The following NTNG1 variants were observed in gnomAD, a reference collection of about 807,000 sequenced individuals.
NTNG1 encodes the protein netrin G1.
Under a neutral mutation model 54.0 loss-of-function variants are expected in NTNG1, and 16 were observed. That is an observed-to-expected ratio of 0.30 (90% CI 0.20 to 0.45). NTNG1 has a LOEUF of 0.45. Among genes scored for constraint, NTNG1 ranks in the 20% least tolerant of loss-of-function variants. NTNG1 has a pLI of 1.00. For missense variants in NTNG1, 530 were observed against 678.7 expected, an observed-to-expected ratio of 0.78 and a Z score of 2.43; for synonymous variants, 255 against 263.1, an observed-to-expected ratio of 0.97 and a Z score of 0.30.
chr1:107,285,318 A>G (rs920159391), intron 2 of NTNG1, among the ~76,000 whole-genome samples: 2 of 152,152 alleles, frequency 1.3e-5, no homozygotes, highest in Non-Finnish European at 2.9e-5. Flanking sequence ...GTTGGATTAC[A>G]TGGTTACTGA....
intron 2 of NTNG1, among the ~76,000 whole-genome samples, chr1:107,323,000 T>A (rs149891639): frequency 6.6e-6 from 1 of 151,746 alleles, no homozygotes; most frequent in Non-Finnish European, 1.5e-5. Flanking sequence ...TTATATTTCA[T>A]AGGAGTCAGC....
chr1:107,217,882 G>C (rs1188493118), intron 2 of NTNG1, among the ~76,000 whole-genome samples: 1 of 152,078 alleles, frequency 6.6e-6, no homozygotes, highest in Non-Finnish European at 1.5e-5. Context: ...GTCTATCTTG[G>C]ACAATGTTCC....
At chr1:107,382,843 A>G (rs2101039446) in intron 3 of NTNG1, among the ~76,000 whole-genome samples, 1 of 151,496 alleles carries the variant, frequency 6.6e-6, no homozygotes, top group Non-Finnish European at 1.5e-5. Context: ...CTTATTAACA[A>G]AAGTAGGCCA....
At chr1:107,370,349 A>T (rs1318707952) in intron 3 of NTNG1, among the ~76,000 whole-genome samples, 1 of 151,112 alleles carries the variant, frequency 6.6e-6, no homozygotes, top group African/African-American at 2.4e-5. Context: ...TTTTTTTGAA[A>T]ATTTTTTTCA....
chr1:107,206,928 G>C (rs1034495231), intron 2 of NTNG1, among the ~76,000 whole-genome samples: 1 of 152,124 alleles, frequency 6.6e-6, no homozygotes, highest in Non-Finnish European at 1.5e-5. Context: ...AGTTGGATGG[G>C]AAGAAGCTGA....
intron 3 of NTNG1, among the ~76,000 whole-genome samples, chr1:107,368,122 A>G (rs542190396): frequency 6.6e-6 from 1 of 152,126 alleles, no homozygotes; most frequent in South Asian, 2.1e-4. Flanking sequence ...CCTTTCTTCT[A>G]TCTTCATGTC....
At chr1:107,339,451 T>C (rs1455529178) in intron 3 of NTNG1, among the ~76,000 whole-genome samples, 2 of 152,018 alleles carry the variant, frequency 1.3e-5, no homozygotes, top group Non-Finnish European at 2.9e-5. Flanking sequence ...AAATGAAAAA[T>C]AGCCCAAAGA....
At chr1:107,343,144 C>A (rs1669002544) in intron 3 of NTNG1, among the ~76,000 whole-genome samples, 1 of 152,104 alleles carries the variant, frequency 6.6e-6, no homozygotes. Flanking sequence ...CTGCCAGACT[C>A]ACTGGTGACA....
chr1:107,268,620 T>A (rs1195179030), intron 2 of NTNG1, among the ~76,000 whole-genome samples: 1 of 152,160 alleles, frequency 6.6e-6, no homozygotes, highest in East Asian at 1.9e-4. Flanking sequence ...AACTATATGT[T>A]GATAAGCCCC....
intron 7 of NTNG1, among the ~76,000 whole-genome samples, chr1:107,438,368 G>C (rs1448896048): frequency 1.3e-5 from 2 of 152,162 alleles, no homozygotes; most frequent in Non-Finnish European, 2.9e-5. Context: ...TAAAGCCATG[G>C]TTTAAAAGTC....
intron 3 of NTNG1, among the ~76,000 whole-genome samples, chr1:107,341,562 G>C (rs1056949276): frequency 1.3e-5 from 2 of 152,074 alleles, no homozygotes; most frequent in Non-Finnish European, 2.9e-5. Flanking sequence ...CCTCACCGAT[G>C]ATGGATGGCC....
chr1:107,360,394 A>C (rs960678790), intron 3 of NTNG1, among the ~76,000 whole-genome samples: 2 of 152,130 alleles, frequency 1.3e-5, no homozygotes, highest in African/African-American at 4.8e-5. Context: ...ACATTCCAAA[A>C]AGAGAAACAG....
At chr1:107,479,414 G>GT in intron 7 of NTNG1, among the ~76,000 whole-genome samples, 1 of 152,338 alleles carries the variant, frequency 6.6e-6, no homozygotes, top group South Asian at 2.1e-4. Context: ...GTAATATTGG[G>GT]TATGTGTATA....
rs186616547 is a variant in NTNG1, at chr1:107,289,393, T to A, written c.247-34889T>A. 3.5e-4 allele frequency among the ~76,000 whole-genome samples: 53 copies of A among 152,282 alleles called. No individual in the cohort carries two copies. The East Asian group carries it at 9.6e-3, about 28-fold the overall frequency. On this transcript the variant is annotated intron_variant, in intron 2 of 7. Transcript: ENST00000370068. ...CTCACTTTACTACCTCTCTCCAGCT[T>A]CTTTTATAAAGAAATTGATGTTAAT...
intron 2 of NTNG1, among the ~76,000 whole-genome samples, chr1:107,301,663 A>G (rs1666325969): frequency 6.6e-6 from 1 of 152,210 alleles, no homozygotes; most frequent in Non-Finnish European, 1.5e-5. Context: ...CTCAACTCCC[A>G]TAATGGACTA....
chr1:107,316,731 G>A (rs890611515), intron 2 of NTNG1, among the ~76,000 whole-genome samples: 6 of 152,172 alleles, frequency 3.9e-5, no homozygotes, highest in Admixed American at 1.3e-4. Context: ...CTCTTTAGGC[G>A]CATGAGCAAC....
chr1:107,326,785 T>C (rs1474923706), intron 3 of NTNG1, among the ~76,000 whole-genome samples: 3 of 151,270 alleles, frequency 2.0e-5, no homozygotes, highest in Non-Finnish European at 4.4e-5. Context: ...AGCATTTTGG[T>C]TGGGAAAAAC....
chr1:107,231,534 A>C (rs1034742686), intron 2 of NTNG1, among the ~76,000 whole-genome samples: 1 of 152,192 alleles, frequency 6.6e-6, no homozygotes, highest in Non-Finnish European at 1.5e-5. Context: ...TCAGATGGCT[A>C]GTCATTTGCT....
intron 3 of NTNG1, among the ~76,000 whole-genome samples, chr1:107,354,917 A>T (rs934216536): frequency 6.6e-6 from 1 of 152,118 alleles, no homozygotes; most frequent in African/African-American, 2.4e-5. Context: ...GTTTGACATT[A>T]TATACCTTAA....
Sources: allele counts gnomAD v4.1 joint callset (sites outside exome capture counted in the v4.1 genomes callset), GRCh38; gene constraint gnomAD v4.1.1; transcripts MANE v1.5; gene names NCBI Gene and HGNC (gene_info 2026-07-23, HGNC 2026-07-21).